Variants in VWA2 observed in about 807,000 individuals in gnomAD.
VWA2 encodes von Willebrand factor A domain-containing protein 2.
VWA2 carries 73 observed loss-of-function variants against 70.4 expected under a neutral mutation model. That is an observed-to-expected ratio of 1.04 (90% CI 0.86 to 1.26). VWA2 has a LOEUF of 1.26. Ranked by LOEUF, VWA2 falls within the 50% of genes most tolerant of loss-of-function variation. VWA2 has a pLI of 0.00. For missense variants in VWA2, 1,011 were observed against 998.5 expected, an observed-to-expected ratio of 1.01 and a Z score of -0.17; for synonymous variants, 407 against 423.3, an observed-to-expected ratio of 0.96 and a Z score of 0.47.
rs148795786 is a variant in VWA2 at position 114,264,758 on chromosome 10, C to T, written c.371+3463C>T. 4.9e-3 allele frequency among the ~76,000 whole-genome samples: 728 copies of T among 149,914 alleles called. 4 individuals are homozygous for T. The highest frequency in any genetic ancestry group is 0.017 in the African/African-American group (698 of 40,578). ...TTTTTGAGATGGAGTCTCATTCTGT[C>T]GCCCTGGCTGGAGTGCAATGGCACG... is the stretch of plus-strand genomic sequence containing the variant. On this transcript the variant is annotated intron_variant, in intron 5 of 13. Coordinates refer to ENST00000392982, the MANE Select transcript of VWA2 (RefSeq NM_001272046.2).
intron 9 of VWA2, 79 bp from the exon 10 acceptor site, chr10:114,284,784 C>T (rs1466525340): frequency 1.5e-6 from 2 of 1,376,668 alleles, no homozygotes; most frequent in East Asian, 2.7e-5. Context: ...AGGAAGCCAG[C>T]TGCACCCACA....
rs117884568 is a variant in VWA2, at chr10:114,249,169, C to T, written c.52+404C>T. Reference sequence around the variant, plus strand: ...ATTAGCTATTTATCCTGATGCTCTCCCTCCCCACCCCACCACTCGACAGGC... The same window carrying T: ...ATTAGCTATTTATCCTGATGCTCTCTCTCCCCACCCCACCACTCGACAGGC... On this transcript the variant is annotated intron_variant, in intron 2 of 13. Coordinates refer to ENST00000392982, the MANE Select transcript of VWA2 (RefSeq NM_001272046.2). 6.6e-4 allele frequency among the ~76,000 whole-genome samples: 100 copies of T among 152,168 alleles called. 1 individual carries two copies. In the East Asian group the frequency reaches 0.019, roughly 29 times the overall value.
At chr10:114,280,444 G>A (rs1246978132) in intron 8 of VWA2, among the ~76,000 whole-genome samples, 2 of 152,196 alleles carry the variant, frequency 1.3e-5, no homozygotes, top group African/African-American at 4.8e-5. Context: ...GGTAGGCGGG[G>A]GGTTGGGGCA....
chr10:114,289,992 CAAAAAA>C (rs35165936), intron 12 of VWA2: 53 of 212,874 alleles, frequency 2.5e-4, no homozygotes, highest in Non-Finnish European at 2.9e-4. Flanking sequence ...GATTCTGCCT[CAAAAAA>C]AAAAAAAAAA....
intron 1 of VWA2, among the ~76,000 whole-genome samples, chr10:114,247,681 G>A (rs1051333413): frequency 2.6e-5 from 4 of 151,736 alleles, no homozygotes; most frequent in Admixed American, 6.6e-5. Context: ...AAAACAAAAC[G>A]GAGCTGGATG....
chr10:114,240,836 T>C (rs2036963121), intron 1 of VWA2, among the ~76,000 whole-genome samples: 1 of 152,156 alleles, frequency 6.6e-6, no homozygotes, highest in African/African-American at 2.4e-5. Context: ...CTCCTAGTAG[T>C]GTAAGAATTT....
intron 1 of VWA2, among the ~76,000 whole-genome samples, chr10:114,242,912 A>T (rs2036999574): frequency 6.6e-6 from 1 of 152,108 alleles, no homozygotes; most frequent in African/African-American, 2.4e-5. Flanking sequence ...ACACTGGGGG[A>T]GTTTATGAAA....
chr10:114,255,135 C>A, intron 4 of VWA2, 87 bp downstream of exon 4: 1 of 1,542,668 alleles, frequency 6.5e-7, no homozygotes, highest in Non-Finnish European at 8.8e-7. Flanking sequence ...GAGGCATCTA[C>A]TCGCTTGTGG....
In VWA2 at chr10:114,282,704, G is replaced by A. The variant is rs2038319510; in HGVS notation, c.889+133G>A. 4.2e-6 allele frequency: 3 copies of A among 716,474 alleles called. 1 individual carries two copies. Among genetic ancestry groups the A allele is most frequent in the South Asian group, 3.1e-5 (2 of 63,586 alleles). 44.4% of individuals were successfully genotyped at this position (716,474 alleles called of 1,614,324 possible). ...TCCAGGGCAGAGGGATGGGGCACTTGGGGGGCAGAGGAGAGTGTGCTCTTG... is the reference window on the plus strand; with the variant it reads ...TCCAGGGCAGAGGGATGGGGCACTTAGGGGGCAGAGGAGAGTGTGCTCTTG... On this transcript the variant is annotated intron_variant, in intron 9 of 13. Transcript: ENST00000392982.
intron 5 of VWA2, among the ~76,000 whole-genome samples, chr10:114,269,904 C>T (rs1564724135): frequency 6.6e-6 from 1 of 152,156 alleles, no homozygotes; most frequent in Non-Finnish European, 1.5e-5. Context: ...GCTTCAAAGC[C>T]ACCGAAGCAC....
chr10:114,259,509 T>C (rs1589748721), intron 4 of VWA2, among the ~76,000 whole-genome samples: 6 of 152,140 alleles, frequency 3.9e-5, no homozygotes, highest in Admixed American at 3.9e-4. Context: ...TATCAATCTT[T>C]CCTTTATGGC....
chr10:114,290,369 A>G lies in VWA2; in HGVS notation c.2248+4A>G. ...GAGGGCCCCCACTGCGAGAACCGTG[A>G]GTGGAGCTCTTGCTCTGTATGTGTG... On this transcript the variant is annotated splice_donor_region_variant and intron_variant, in intron 13 of 13. Transcript: ENST00000392982. 6.4e-7 allele frequency: 1 copy of G among 1,550,464 alleles called. No individual in the cohort carries two copies. The highest frequency in any genetic ancestry group is 8.7e-7 in the Non-Finnish European group (1 of 1,146,916).
intron 6 of VWA2, among the ~76,000 whole-genome samples, chr10:114,275,171 G>C (rs1203338660): frequency 1.3e-5 from 2 of 152,174 alleles, no homozygotes; most frequent in East Asian, 3.8e-4. Context: ...GTGCAGGTCA[G>C]AGAGAGGAAG....
At chr10:114,286,730 G>T (rs2038949957) in intron 11 of VWA2, among the ~76,000 whole-genome samples, 1 of 152,200 alleles carries the variant, frequency 6.6e-6, no homozygotes, top group Non-Finnish European at 1.5e-5. Flanking sequence ...GTGAGAATTA[G>T]GTAAGATGGG....
chr10:114,254,813 A>C, intron 3 of VWA2, 102 bp from the exon 4 acceptor site: 1 of 1,491,978 alleles, frequency 6.7e-7, no homozygotes, highest in Non-Finnish European at 9.1e-7. Context: ...GCTAAGAGGG[A>C]CAGCAGCCTG....
rs757112781 is a variant in VWA2, at chr10:114,289,208, T to G, written c.1841T>G (p.Leu614Arg). 7 of 1,613,590 alleles carry G rather than the reference T, an allele frequency of 4.3e-6. No individual in the cohort carries two copies. The South Asian group carries it at 7.7e-5, about 18-fold the overall frequency. Reference sequence around the variant, plus strand: ...GGGGTGGGCTCAGCCGGCACCGCCCTGCTGCACATCTATGACAAAGTGATG... The same window carrying G: ...GGGGTGGGCTCAGCCGGCACCGCCCGGCTGCACATCTATGACAAAGTGATG... ...LGGVGSAGTALLHIYDKVMTV... is the reference protein window; with the variant it reads ...LGGVGSAGTARLHIYDKVMTV... Residue 614 changes from leucine (L) to arginine (R), a missense_variant, in exon 12 of 14, where the codon CTG (leucine) becomes CGG (arginine). Leu to Arg is a moderately radical substitution (Grantham distance 102). Coordinates refer to ENST00000392982, the MANE Select transcript of VWA2 (RefSeq NM_001272046.2).
chr10:114,267,454 A>G (rs947407958), intron 5 of VWA2, among the ~76,000 whole-genome samples: 1 of 146,844 alleles, frequency 6.8e-6, no homozygotes, highest in East Asian at 2.1e-4. Context: ...TATTTTTAAG[A>G]CAGGGTCTTT....
In VWA2 at chr10:114,254,993, G is replaced by A. The variant is rs149309552; in HGVS notation, c.206G>A (p.Arg69Lys). The A allele has an allele frequency of 1.2e-6, 2 of 1,613,196 alleles. No individual in the cohort carries two copies. The highest frequency in any genetic ancestry group is 1.7e-6 in the Non-Finnish European group (2 of 1,179,960). Reference protein sequence around the residue: ...SNSVGKGSFERSKHFAITVCD... With the variant: ...SNSVGKGSFEKSKHFAITVCD... Reference sequence around the variant, plus strand: ...AGCGTCGGGAAAGGGAGCTTTGAAAGGTCCAAGCACTTTGCCATCACAGTC... The same window carrying A: ...AGCGTCGGGAAAGGGAGCTTTGAAAAGTCCAAGCACTTTGCCATCACAGTC... The change falls in exon 4 of 14, where the codon AGG (arginine) becomes AAG (lysine). Residue 69 changes from arginine to lysine, a missense_variant. Coordinates refer to ENST00000392982, the MANE Select transcript of VWA2 (RefSeq NM_001272046.2).
intron 5 of VWA2, among the ~76,000 whole-genome samples, chr10:114,267,307 G>A (rs897089778): frequency 6.6e-6 from 1 of 151,788 alleles, no homozygotes; most frequent in East Asian, 1.9e-4. Flanking sequence ...AGTAGAGATG[G>A]GGTTTCACCA....
Sources: allele counts gnomAD v4.1 joint callset (sites outside exome capture counted in the v4.1 genomes callset), GRCh38; gene constraint gnomAD v4.1.1; transcripts MANE v1.5; gene names NCBI Gene and HGNC (gene_info 2026-07-23, HGNC 2026-07-21).